The following SDK1 variants were observed in gnomAD, a reference collection of about 807,000 sequenced individuals.
The protein encoded by SDK1 is protein sidekick-1.
Under a neutral mutation model 245.5 loss-of-function variants are expected in SDK1, and 157 were observed. The ratio of observed to expected loss-of-function variants is 0.64; its 90% CI spans 0.56 to 0.73. The LOEUF (loss-of-function observed/expected upper bound fraction) is 0.73. Among genes scored for constraint, SDK1 ranks in the 30% least tolerant of loss-of-function variants. The pLI, the probability that SDK1 is intolerant of heterozygous loss-of-function variation, is 0.00. For synonymous variants in SDK1, 1,647 were observed against 1,278.5 expected (o/e 1.29, Z -6.15); for missense variants, 3,583 against 3,002.3 (o/e 1.19, Z -4.52).
chr7:3,475,722 AT>A (rs35754599), intron 1 of SDK1, among the ~76,000 whole-genome samples: 15 of 152,208 alleles, frequency 9.9e-5, no homozygotes, highest in Non-Finnish European at 2.1e-4. Flanking sequence ...TCAAGTCAAG[AT>A]TTATGAATCA....
At chr7:3,651,634 G>C (rs951416557) in intron 4 of SDK1, among the ~76,000 whole-genome samples, 2 of 151,556 alleles carry the variant, frequency 1.3e-5, no homozygotes, top group South Asian at 4.1e-4. Flanking sequence ...CCAATGCTAT[G>C]ACGTTTCCTA....
chr7:3,630,822 C>A (rs935050228), intron 2 of SDK1, among the ~76,000 whole-genome samples: 2 of 152,128 alleles, frequency 1.3e-5, no homozygotes, highest in Non-Finnish European at 2.9e-5. Flanking sequence ...TTAACAGATC[C>A]ATTTTTTCCA....
intron 4 of SDK1, among the ~76,000 whole-genome samples, chr7:3,674,452 A>G (rs1412070555): frequency 6.6e-6 from 1 of 152,062 alleles, no homozygotes; most frequent in Non-Finnish European, 1.5e-5. Context: ...TTTAGAGGAG[A>G]GGGTGACAAT....
intron 5 of SDK1, among the ~76,000 whole-genome samples, chr7:3,946,639 C>G (rs543059018): frequency 6.6e-6 from 1 of 152,144 alleles, no homozygotes; most frequent in Non-Finnish European, 1.5e-5. Flanking sequence ...TTACCTCATT[C>G]AAGAACTTTG....
chr7:4,232,407 C>CTTTTTTTTTTTTTTTTTTTTTTTTT (rs201396862), intron 40 of SDK1, among the ~76,000 whole-genome samples: 12 of 73,180 alleles, frequency 1.6e-4, no homozygotes, highest in African/African-American at 4.1e-4. Flanking sequence ...CTTTTCTTTT[C>CTTTTTTTTTTTTTTTTTTTTTTTTT]TTTCTTTTTT....
intron 1 of SDK1, among the ~76,000 whole-genome samples, chr7:3,331,475 C>G (rs774777773): frequency 6.6e-6 from 1 of 152,152 alleles, no homozygotes; most frequent in African/African-American, 2.4e-5. Flanking sequence ...ATCCTTTGCC[C>G]GTTTTTTACA....
At chr7:3,879,657 A>T (rs994998728) in intron 5 of SDK1, among the ~76,000 whole-genome samples, 1 of 152,176 alleles carries the variant, frequency 6.6e-6, no homozygotes, top group Non-Finnish European at 1.5e-5. Flanking sequence ...CTTGTTGTTC[A>T]GTCAATAGCT....
chr7:3,425,657 A>C (rs1204308512), intron 1 of SDK1, among the ~76,000 whole-genome samples: 1 of 152,238 alleles, frequency 6.6e-6, no homozygotes, highest in African/African-American at 2.4e-5. Context: ...AAGGAAAATG[A>C]TAGAAATGTA....
intron 1 of SDK1, among the ~76,000 whole-genome samples, chr7:3,448,029 A>G (rs1460532456): frequency 2.0e-5 from 3 of 151,996 alleles, no homozygotes; most frequent in Non-Finnish European, 2.9e-5. Context: ...TTACACAACA[A>G]TGCTTTGATT....
chr7:4,106,034 A>C (rs1554343227), intron 22 of SDK1, among the ~76,000 whole-genome samples: 2 of 152,186 alleles, frequency 1.3e-5, no homozygotes, highest in Non-Finnish European at 1.5e-5. Context: ...CTGGGCGGGA[A>C]GGGCAGGGTA....
chr7:3,454,544 C>T lies in SDK1; in HGVS notation c.298+152660C>T, dbSNP rs556496678. On this transcript the variant is annotated intron_variant, in intron 1 of 44. Transcript: ENST00000404826. ...TTGGGTTGTCCTTTCATAACTATCC[C>T]TTCCCAATCTCTGATCAGCTGCAAT... 6.6e-5 allele frequency among the ~76,000 whole-genome samples: 10 copies of T among 152,200 alleles called. No individual in the cohort carries two copies. The South Asian group carries it at 2.1e-3, about 32-fold the overall frequency.
At chr7:4,242,572 G>C (rs1198223681) in intron 43 of SDK1, among the ~76,000 whole-genome samples, 1 of 152,084 alleles carries the variant, frequency 6.6e-6, no homozygotes, top group African/African-American at 2.4e-5. Context: ...ATGGGGAGGG[G>C]TCTTGAGCGT....
At chr7:3,363,796 C>G (rs1343152875) in intron 1 of SDK1, among the ~76,000 whole-genome samples, 1 of 152,236 alleles carries the variant, frequency 6.6e-6, no homozygotes, top group Non-Finnish European at 1.5e-5. Flanking sequence ...CACTGCTCCC[C>G]TCCTGCTGTG....
intron 1 of SDK1, among the ~76,000 whole-genome samples, chr7:3,407,553 G>C (rs1342907274): frequency 1.3e-5 from 2 of 152,164 alleles, no homozygotes; most frequent in Non-Finnish European, 2.9e-5. Context: ...CCAGAAATAT[G>C]TTATCTAAGG....
At chr7:3,974,604 T>C (rs1413250765) in intron 13 of SDK1, 59 bp downstream of exon 13, 34 of 1,510,308 alleles carry the variant, frequency 2.3e-5, no homozygotes, top group Non-Finnish European at 2.9e-5. Flanking sequence ...ACTGTGCCCC[T>C]GTTAGTGACT....
At chr7:4,119,302 A>G (rs1698000404) in intron 25 of SDK1, among the ~76,000 whole-genome samples, 1 of 147,900 alleles carries the variant, frequency 6.8e-6, no homozygotes, top group Non-Finnish European at 1.5e-5. Flanking sequence ...AAAACTATAG[A>G]AAATTAGCCA....
intron 4 of SDK1, among the ~76,000 whole-genome samples, chr7:3,725,013 A>G (rs1212642446): frequency 2.6e-5 from 4 of 152,366 alleles, no homozygotes; most frequent in East Asian, 3.9e-4. Context: ...CTTAAGCTGC[A>G]TTAGCTTAGA....
At chr7:4,158,610 T>G (rs1424488642) in intron 31 of SDK1, 59 bp downstream of exon 31, 3 of 1,271,996 alleles carry the variant, frequency 2.4e-6, no homozygotes, top group East Asian at 4.6e-5. Context: ...CCCGAGATAC[T>G]TAGGCCACAC....
intron 35 of SDK1, among the ~76,000 whole-genome samples, chr7:4,189,705 G>A (rs1030181567): frequency 2.0e-5 from 3 of 152,146 alleles, no homozygotes; most frequent in Non-Finnish European, 2.9e-5. Context: ...GCTGGATATC[G>A]CTTGAACCCA....
Sources: gnomAD v4.1 joint callset for allele counts (sites outside exome capture counted in the v4.1 genomes callset) on GRCh38, gnomAD v4.1.1 for gene constraint, MANE v1.5 for transcripts, NCBI Gene and HGNC (gene_info 2026-07-23, HGNC 2026-07-21) for gene names.